ALK: variants seen among roughly 807,000 people sequenced by gnomAD.
ALK encodes the protein ALK tyrosine kinase receptor.
ALK carries 74 observed loss-of-function variants against 163.1 expected under a neutral mutation model. The ratio of observed to expected loss-of-function variants is 0.45; its 90% CI spans 0.38 to 0.55. The LOEUF is 0.55. ALK is among the 20% of genes least tolerant of loss of function. ALK has a pLI of 0.00. For synonymous variants in ALK, 960 were observed against 843.2 expected, an observed-to-expected ratio of 1.14 and a Z score of -2.40; for missense variants, 2,063 against 2,105.3, an observed-to-expected ratio of 0.98 and a Z score of 0.39.
chr2:29,383,284 T>C (rs1434285461), intron 5 of ALK, among the ~76,000 whole-genome samples: 2 of 152,104 alleles, frequency 1.3e-5, no homozygotes, highest in African/African-American at 4.8e-5. Context: ...ATGGATCACC[T>C]GGTATCATTC....
chr2:29,494,862 G>GTGTGTA (rs1413343968), intron 4 of ALK, among the ~76,000 whole-genome samples: 2 of 151,710 alleles, frequency 1.3e-5, no homozygotes, highest in Non-Finnish European at 2.9e-5. Flanking sequence ...GTGTGTGTGT[G>GTGTGTA]TGTGTGTGTG....
chr2:29,539,031 G>A (rs903275335), intron 3 of ALK, among the ~76,000 whole-genome samples: 11 of 140,136 alleles, frequency 7.8e-5, no homozygotes, highest in Non-Finnish European at 1.6e-4. Context: ...GCCCTTTCCT[G>A]TACTTTTTCT....
intron 1 of ALK, among the ~76,000 whole-genome samples, chr2:29,763,750 G>A (rs1321974188): frequency 2.0e-5 from 3 of 152,140 alleles, no homozygotes; most frequent in Non-Finnish European, 4.4e-5. Context: ...ATTTGTCTGA[G>A]GCCCCTGAGA....
intron 3 of ALK, among the ~76,000 whole-genome samples, chr2:29,554,732 G>C (rs1380386470): frequency 6.6e-6 from 1 of 152,184 alleles, no homozygotes; most frequent in Non-Finnish European, 1.5e-5. Context: ...GACCTACTGG[G>C]CTGCATTCCC....
intron 4 of ALK, among the ~76,000 whole-genome samples, chr2:29,499,956 C>T (rs949901017): frequency 2.0e-5 from 3 of 152,198 alleles, no homozygotes; most frequent in African/African-American, 7.2e-5. Context: ...CATCTCATCA[C>T]CCAGTCACCA....
intron 13 of ALK, 48 bp downstream of exon 13, chr2:29,239,632 C>G (rs375446149): frequency 6.2e-7 from 1 of 1,610,150 alleles, no homozygotes; most frequent in East Asian, 2.2e-5. Flanking sequence ...GAGGCCTTCC[C>G]GGGGCCTGAC....
chr2:29,667,648 C>G (rs368309697), intron 3 of ALK, among the ~76,000 whole-genome samples: 16 of 151,996 alleles, frequency 1.1e-4, no homozygotes, highest in African/African-American at 3.9e-4. Flanking sequence ...CCCACTTGGT[C>G]ATGGTGAATA....
At chr2:29,579,132 G>A (rs956709612) in intron 3 of ALK, among the ~76,000 whole-genome samples, 1 of 152,218 alleles carries the variant, frequency 6.6e-6, no homozygotes, top group Non-Finnish European at 1.5e-5. Context: ...AATCCACAGG[G>A]CACCAAGTAG....
In ALK at chr2:29,251,101, G is replaced by C. The variant is rs201806531; in HGVS notation, c.2204+4C>G. 5.0e-6 allele frequency: 8 copies of C among 1,613,614 alleles called. No individual in the cohort carries two copies. Among genetic ancestry groups the C allele is most frequent in the South Asian group, 4.4e-5 (4 of 90,952 alleles). The stretch of plus-strand genomic sequence containing the variant: ...CCCCTCCCCTCCCCCTCTTCCATAC[G>C]CACCTGTAGGTGTCGGTGGCTGGCA... On this transcript the variant is annotated splice_donor_region_variant and intron_variant, in intron 12 of 28. Transcript: ENST00000389048.
At chr2:29,801,772 T>C (rs1030698725) in intron 1 of ALK, among the ~76,000 whole-genome samples, 10 of 152,200 alleles carry the variant, frequency 6.6e-5, no homozygotes, top group African/African-American at 2.4e-4. Context: ...ATCATTTCAA[T>C]ATTGAGGAAA....
chr2:29,265,258 T>C (rs1283214275), intron 11 of ALK, among the ~76,000 whole-genome samples: 1 of 152,144 alleles, frequency 6.6e-6, no homozygotes, highest in Non-Finnish European at 1.5e-5. Flanking sequence ...CCTCAAGTGA[T>C]CTGCCCACCT....
chr2:29,881,275 T>A (rs1374689909), intron 1 of ALK, among the ~76,000 whole-genome samples: 2 of 152,192 alleles, frequency 1.3e-5, no homozygotes, highest in Non-Finnish European at 2.9e-5. Context: ...AGCAGGCTGC[T>A]CCCGACCCAC....
chr2:29,430,458 C>G (rs1397701574), intron 4 of ALK, among the ~76,000 whole-genome samples: 1 of 152,226 alleles, frequency 6.6e-6, no homozygotes, highest in East Asian at 1.9e-4. Context: ...GAGGGCCATA[C>G]AGTCTTTAAC....
At chr2:29,809,545 G>A (rs1343062307) in intron 1 of ALK, among the ~76,000 whole-genome samples, 1 of 152,194 alleles carries the variant, frequency 6.6e-6, no homozygotes, top group African/African-American at 2.4e-5. Context: ...TCTCCGTGAG[G>A]GAGTTTGGTT....
chr2:29,397,724 G>A (rs1297268326), intron 4 of ALK, among the ~76,000 whole-genome samples: 2 of 152,096 alleles, frequency 1.3e-5, no homozygotes, highest in Non-Finnish European at 1.5e-5. Flanking sequence ...TTTTCTACAC[G>A]TTTACCTCTG....
At chr2:29,447,647 T>C (rs980832860) in intron 4 of ALK, among the ~76,000 whole-genome samples, 2 of 152,194 alleles carry the variant, frequency 1.3e-5, no homozygotes, top group Admixed American at 6.5e-5. Context: ...GCACCTTTCA[T>C]AGAAAGAGAG....
intron 4 of ALK, among the ~76,000 whole-genome samples, chr2:29,509,187 T>G (rs1270153732): frequency 6.6e-6 from 1 of 152,134 alleles, no homozygotes; most frequent in Non-Finnish European, 1.5e-5. Context: ...TGTAGTAAAT[T>G]TGGGGACACT....
chr2:29,869,692 C>T (rs867807286), intron 1 of ALK, among the ~76,000 whole-genome samples: 8 of 152,066 alleles, frequency 5.3e-5, no homozygotes, highest in African/African-American at 9.7e-5. Context: ...CAGGGAAAGG[C>T]TTTCCAAATA....
At chr2:29,576,106 G>A (rs2148194161) in intron 3 of ALK, among the ~76,000 whole-genome samples, 1 of 152,272 alleles carries the variant, frequency 6.6e-6, no homozygotes, top group East Asian at 1.9e-4. Flanking sequence ...TCAGGAACTG[G>A]GGCTGACTGA....
Sources: allele counts gnomAD v4.1 joint callset (sites outside exome capture counted in the v4.1 genomes callset), GRCh38; gene constraint gnomAD v4.1.1; transcripts MANE v1.5; gene names NCBI Gene and HGNC (gene_info 2026-07-23, HGNC 2026-07-21).